Variants in EVC observed in about 807,000 individuals in gnomAD.
EVC encodes EvC ciliary complex subunit 1.
A neutral mutation model predicts 118.9 loss-of-function variants in EVC; 116 were observed. The observed-to-expected ratio is 0.98, with a 90% CI of 0.84 to 1.14. EVC has a LOEUF of 1.14. EVC is among the 50% of genes most tolerant of loss of function. EVC has a pLI of 0.00. For missense variants in EVC, 1,401 were observed against 1,246.4 expected, an observed-to-expected ratio of 1.12 and a Z score of -1.87; for synonymous variants, 619 against 534.7, an observed-to-expected ratio of 1.16 and a Z score of -2.18.
rs142094016 is a variant in EVC, at chr4:5,798,729, G to A, written c.2241G>A (p.Ala747=). 1.0e-4 allele frequency: 169 copies of A among 1,610,996 alleles called. 1 individual carries two copies. The East Asian group carries it at 2.8e-3, about 27-fold the overall frequency. Residue 747 remains alanine (A), a synonymous_variant, in exon 15 of 21, where the codon GCG becomes GCA. Coordinates refer to ENST00000264956, the MANE Select transcript of EVC (RefSeq NM_153717.3). The surrounding 1 kb of genome is among the most constrained non-coding windows in gnomAD (Gnocchi z 4.1). ...ACATGGAGTGCGCCATTGGGCAGGCGCTGCTGGTGCATGCACGGAATGCAG... is the reference window on the plus strand; with the variant it reads ...ACATGGAGTGCGCCATTGGGCAGGCACTGCTGGTGCATGCACGGAATGCAG... ...QQHMECAIGQ[A]LLVHARNAAT...
rs1722976573 is a variant in EVC, at chr4:5,711,370, G to C, written c.-11G>C. The C allele has an allele frequency of 9.9e-7, 1 of 1,008,890 alleles. No individual in the cohort carries two copies. Among genetic ancestry groups the C allele is most frequent in the Non-Finnish European group, 1.2e-6 (1 of 847,152 alleles). 62.5% of individuals were successfully genotyped at this position (1,008,890 alleles called of 1,614,324 possible). On this transcript the variant is annotated 5_prime_UTR_variant, in exon 1 of 21. Coordinates refer to ENST00000264956, the MANE Select transcript of EVC (RefSeq NM_153717.3). ...GCGGGATGCGGCGGGGCGGCAGCCT[G>C]AGCGCCCCGGATGGCCCGCGGCGGG...
At chr4:5,775,676 A>C (rs1734617191) in intron 11 of EVC, among the ~76,000 whole-genome samples, 1 of 152,064 alleles carries the variant, frequency 6.6e-6, no homozygotes, top group East Asian at 1.9e-4. Context: ...ACATTTACCC[A>C]TCCTACTAGT....
intron 11 of EVC, among the ~76,000 whole-genome samples, chr4:5,759,467 C>T (rs376831206): frequency 1.6e-4 from 24 of 152,222 alleles, no homozygotes; most frequent in South Asian, 6.2e-4. Flanking sequence ...ACTTATTTCC[C>T]CTGCCGGAGG....
chr4:5,751,231 C>G (rs998512739), intron 8 of EVC, among the ~76,000 whole-genome samples: 2 of 152,224 alleles, frequency 1.3e-5, no homozygotes, highest in Non-Finnish European at 2.9e-5. Flanking sequence ...GTGCTCAGGT[C>G]CTGGGAGCCA....
Position 5,719,345 on chromosome 4 carries a change from A to C in EVC, c.272A>C (p.Gln91Pro), listed in dbSNP as rs1724540153. Residue 91 changes from glutamine to proline, a missense_variant, in exon 2 of 21, where the codon CAG becomes CCG. Coordinates refer to ENST00000264956, the MANE Select transcript of EVC (RefSeq NM_153717.3). The surrounding 1 kb of genome is among the most constrained non-coding windows in gnomAD (Gnocchi z 4.7). ...SPSRRRKREVQMSKDKEAVDE... is the reference protein window; with the variant it reads ...SPSRRRKREVPMSKDKEAVDE... ...TCAAGGAGGAGGAAGAGAGAAGTGCAGATGTCGAAGGACAAGGAAGCTGTT... is the reference window on the plus strand; with the variant it reads ...TCAAGGAGGAGGAAGAGAGAAGTGCCGATGTCGAAGGACAAGGAAGCTGTT... The C allele has an allele frequency of 1.9e-6, 3 of 1,614,208 alleles. No homozygotes were observed. The highest frequency in any genetic ancestry group is 1.7e-6 in the Non-Finnish European group (2 of 1,180,034).
At position 5,730,117 on chromosome 4, in the gene EVC, G is replaced by A. The variant is rs114887967; in HGVS notation, c.384+727G>A. Among the ~76,000 whole-genome samples the A allele has an allele frequency of 2.2e-3, 331 of 152,276 alleles. 2 individuals carry two copies. The highest frequency in any genetic ancestry group is 7.1e-3 in the African/African-American group (294 of 41,556). On this transcript the variant is annotated intron_variant, in intron 3 of 20. Transcript: ENST00000264956. ...CCATCTCAGCCATTCACTGTGTGGC[G>A]TTTCCTGACTTCTCCTGCCTCAGTC... is the stretch of plus-strand genomic sequence containing the variant.
In EVC at chr4:5,746,161, C is replaced by T. The variant is rs538135809; in HGVS notation, c.939+820C>T. Among the ~76,000 whole-genome samples the T allele has an allele frequency of 6.6e-6, 1 of 152,230 alleles. No individual in the cohort carries two copies. The highest frequency in any genetic ancestry group is 2.1e-4 in the South Asian group (1 of 4,822). On this transcript the variant is annotated intron_variant, in intron 7 of 20. Coordinates refer to ENST00000264956, the MANE Select transcript of EVC (RefSeq NM_153717.3). The surrounding 1 kb of genome is among the most constrained non-coding windows in gnomAD (Gnocchi z 5.8). ...CCAGAGGGCTTGTTTGTGTCTTAAG[C>T]CAGCGAGATGGGAGTGTCTATTGCC...
intron 12 of EVC, among the ~76,000 whole-genome samples, chr4:5,786,093 C>T (rs1711533204): frequency 6.6e-6 from 1 of 152,202 alleles, no homozygotes; most frequent in South Asian, 2.1e-4. Context: ...TGACTTTAGC[C>T]AGTGAGCTGA....
chr4:5,803,730 C>G (rs773175685), intron 16 of EVC, among the ~76,000 whole-genome samples: 30 of 152,290 alleles, frequency 2.0e-4, no homozygotes, highest in Middle Eastern at 6.8e-3. Flanking sequence ...AGAGGCTATC[C>G]AGGTTCAGTC....
intron 1 of EVC, among the ~76,000 whole-genome samples, chr4:5,711,825 C>T (rs1007957686): frequency 1.1e-4 from 16 of 152,216 alleles, no homozygotes; most frequent in African/African-American, 2.7e-4. Flanking sequence ...GCCTCGGTCT[C>T]CTCATCTGCA....
intron 2 of EVC, among the ~76,000 whole-genome samples, chr4:5,721,574 A>C (rs1398749296): frequency 6.6e-6 from 1 of 152,134 alleles, no homozygotes; most frequent in Non-Finnish European, 1.5e-5. Context: ...AAATGTTCTA[A>C]AGTTGACGAT....
chr4:5,758,231 G>A (rs1005761612), intron 11 of EVC: 1 of 656,922 alleles, frequency 1.5e-6, no homozygotes, highest in African/African-American at 1.8e-5. Context: ...CCTTTGGAGG[G>A]GGCGAGGCTC....
chr4:5,817,465 G>C (rs1402113671), downstream of EVC, among the ~76,000 whole-genome samples: 3 of 152,224 alleles, frequency 2.0e-5, no homozygotes, highest in Non-Finnish European at 2.9e-5. Flanking sequence ...CTTGGGAACA[G>C]ACTACCAGTG....
chr4:5,741,684 T>G (rs1469294299), intron 5 of EVC, 32 bp from the exon 6 acceptor site: 2 of 1,345,122 alleles, frequency 1.5e-6, no homozygotes, highest in East Asian at 2.3e-5. Context: ...GATTAAACTT[T>G]TCTTTTGTTA....
Position 5,714,209 on chromosome 4 carries a change from A to T in EVC, c.174+2655A>T, listed in dbSNP as rs6851722. On this transcript the variant is annotated intron_variant, in intron 1 of 20. Transcript: ENST00000264956. ...TAGATCAGGTACTTCCCTGCTTTGTAGGCACTGTTTGTTCTCCTCCTCTGT... is the reference window on the plus strand; with the variant it reads ...TAGATCAGGTACTTCCCTGCTTTGTTGGCACTGTTTGTTCTCCTCCTCTGT... 3.8e-4 allele frequency among the ~76,000 whole-genome samples: 58 copies of T among 151,876 alleles called. No homozygotes were observed. The East Asian group carries it at 0.011, about 28-fold the overall frequency.
At chr4:5,766,880 G>A (rs139781932) in intron 11 of EVC, among the ~76,000 whole-genome samples, 66,502 of 151,076 alleles carry the variant, frequency 0.44, 14,854 homozygotes, top group South Asian at 0.5. Flanking sequence ...TAATTTGATC[G>A]TCTGAAGCCT....
At chr4:5,802,175 TAC>T in intron 16 of EVC, 81 bp downstream of exon 16, 1 of 1,538,906 alleles carries the variant, frequency 6.5e-7, no homozygotes, top group Non-Finnish European at 9.0e-7. Context: ...GGATGTCAGA[TAC>T]TGTGAATTTT....
chr4:5,810,502 T>A (rs1716735073), intron 20 of EVC, 52 bp downstream of exon 20: 3 of 1,371,942 alleles, frequency 2.2e-6, no homozygotes, highest in Non-Finnish European at 2.0e-6. Context: ...GTAAATGCAC[T>A]CAGCTGCTGT....
At chr4:5,825,288 C>G in the EVC span, 1 of 985,162 alleles carries the variant, frequency 1.0e-6, no homozygotes, top group Non-Finnish European at 1.2e-6. The surrounding 1 kb of genome is among the most constrained non-coding windows in gnomAD (Gnocchi z 4.4). Flanking sequence ...ACCATGTTGC[C>G]CCCCTAACAT....
Sources: gnomAD v4.1 joint callset for allele counts (sites outside exome capture counted in the v4.1 genomes callset) on GRCh38, gnomAD v4.1.1 for gene constraint, Gnocchi (gnomAD v3.1) non-coding constraint, MANE v1.5 for transcripts, NCBI Gene and HGNC (gene_info 2026-07-23, HGNC 2026-07-21) for gene names.